Variants in LOXL2 observed in about 807,000 individuals in gnomAD.
LOXL2 encodes lysyl oxidase like 2.
LOXL2 carries 70 observed loss-of-function variants against 93.0 expected under a neutral mutation model. The observed-to-expected ratio is 0.75, with a 90% CI of 0.62 to 0.92. The LOEUF (loss-of-function observed/expected upper bound fraction) is 0.92. Among genes scored for constraint, LOXL2 ranks in the 40% least tolerant of loss-of-function variants. The pLI, the probability that LOXL2 is intolerant of heterozygous loss-of-function variation, is 0.00. For missense variants in LOXL2, 973 were observed against 1,054.9 expected, an observed-to-expected ratio of 0.92 and a Z score of 1.08; for synonymous variants, 438 against 413.2, an observed-to-expected ratio of 1.06 and a Z score of -0.73.
intron 4 of LOXL2, among the ~76,000 whole-genome samples, chr8:23,339,205 G>A (rs1434634339): frequency 6.6e-6 from 1 of 152,126 alleles, no homozygotes; most frequent in Non-Finnish European, 1.5e-5. Flanking sequence ...TGAGAAGGTC[G>A]TGCTTCCCTT....
At chr8:23,300,101 G>A (rs1803104222) in intron 12 of LOXL2, among the ~76,000 whole-genome samples, 1 of 152,246 alleles carries the variant, frequency 6.6e-6, no homozygotes, top group African/African-American at 2.4e-5. Context: ...ACATGCCAAG[G>A]CCTCCAGCTG....
intron 3 of LOXL2, among the ~76,000 whole-genome samples, chr8:23,347,011 A>T (rs1050906508): frequency 1.1e-4 from 16 of 152,242 alleles, no homozygotes; most frequent in African/African-American, 3.9e-4. Flanking sequence ...CAGCTTTCTT[A>T]CTTTGGCTAT....
intron 12 of LOXL2, among the ~76,000 whole-genome samples, chr8:23,300,493 G>C (rs1327977880): frequency 6.6e-6 from 1 of 152,198 alleles, no homozygotes; most frequent in Non-Finnish European, 1.5e-5. Context: ...CAGCACCACT[G>C]ATGTCTGAAG....
At chr8:23,382,656 A>C (rs1332150345) in intron 1 of LOXL2, 1 of 152,228 alleles carries the variant, frequency 6.6e-6, no homozygotes, top group South Asian at 2.1e-4. Flanking sequence ...TGAAGTCCTA[A>C]AAGTCCTAGG....
At chr8:23,318,427 A>G (rs537590987) in intron 8 of LOXL2, among the ~76,000 whole-genome samples, 733 of 19,750 alleles carry the variant, frequency 0.037, 5 homozygotes, top group African/African-American at 0.079. Context: ...GGTTGATAGC[A>G]CACACACACA....
rs750923813 is a variant in LOXL2, at chr8:23,333,569, G to A, written c.798C>T (p.Thr266=). The change falls in exon 5 of 14, where the codon ACC becomes ACT. Residue 266 remains threonine (T), a synonymous_variant. Transcript: ENST00000389131. ...QRYWPFSMDC[T]GTEAHISSCK... Reference sequence around the variant, plus strand: ...AGCTGGAGATGTGGGCCTCTGTGCCGGTGCAGTCCATGGAGAATGGCCAGT... The same window carrying A: ...AGCTGGAGATGTGGGCCTCTGTGCCAGTGCAGTCCATGGAGAATGGCCAGT... 1.4e-4 allele frequency: 219 copies of A among 1,613,834 alleles called. No individual in the cohort carries two copies. Among genetic ancestry groups the A allele is most frequent in the Admixed American group, 2.0e-4 (12 of 60,016 alleles).
chr8:23,379,558 C>G (rs977042610), intron 1 of LOXL2, among the ~76,000 whole-genome samples: 1 of 152,216 alleles, frequency 6.6e-6, no homozygotes, highest in African/African-American at 2.4e-5. Flanking sequence ...GGCAGGCAGG[C>G]TTCCTTGAGC....
At chr8:23,376,384 A>G (rs1563206137) in intron 1 of LOXL2, among the ~76,000 whole-genome samples, 2 of 152,126 alleles carry the variant, frequency 1.3e-5, no homozygotes, top group African/African-American at 4.8e-5. Flanking sequence ...CATCAGGGAT[A>G]TTGGTCTAAA....
At chr8:23,397,132 T>C (rs1800100919) in intron 1 of LOXL2, among the ~76,000 whole-genome samples, 1 of 152,214 alleles carries the variant, frequency 6.6e-6, no homozygotes. Context: ...ATTCCACTTA[T>C]ATGAAGTACC....
At chr8:23,361,200 G>C (rs909287683) in intron 2 of LOXL2, among the ~76,000 whole-genome samples, 6 of 152,002 alleles carry the variant, frequency 3.9e-5, no homozygotes, top group Non-Finnish European at 8.8e-5. Flanking sequence ...CGCCCGGCCT[G>C]GTTTGAGGTT....
rs189432376 is a variant in LOXL2, at chr8:23,301,051, T to C, written c.2133+976A>G. Among the ~76,000 whole-genome samples, 89 of 152,340 alleles carry C rather than the reference T, an allele frequency of 5.8e-4. No homozygotes were observed. In the East Asian group the frequency reaches 0.013, roughly 22 times the overall value. The stretch of plus-strand genomic sequence containing the variant: ...CTGAAAGCCCCTCTGTGGTGACTTC[T>C]CTGAAGGTGTTGTTTCTTCAGAGGA... On this transcript the variant is annotated intron_variant, in intron 12 of 13. Transcript: ENST00000389131.
At chr8:23,355,608 T>TC (rs1249642868) in intron 3 of LOXL2, among the ~76,000 whole-genome samples, 2 of 147,964 alleles carry the variant, frequency 1.4e-5, no homozygotes, top group East Asian at 2.0e-4. Context: ...AAAGATTTGT[T>TC]CTTTTTTTTT....
chr8:23,374,065 C>T (rs1284140736), intron 1 of LOXL2, among the ~76,000 whole-genome samples: 1 of 152,046 alleles, frequency 6.6e-6, no homozygotes, highest in Non-Finnish European at 1.5e-5. Flanking sequence ...TCGTCATTTA[C>T]ATTGGGTATA....
intron 1 of LOXL2, among the ~76,000 whole-genome samples, chr8:23,372,381 C>A (rs1219861534): frequency 6.6e-6 from 1 of 152,026 alleles, no homozygotes; most frequent in Non-Finnish European, 1.5e-5. Context: ...CCACGCCTGG[C>A]CAATTTTTGT....
chr8:23,360,282 G>A lies in LOXL2; in HGVS notation c.356-17C>T. 6.3e-7 allele frequency: 1 copy of A among 1,581,026 alleles called. No individual in the cohort carries two copies. Among genetic ancestry groups the A allele is most frequent in the Non-Finnish European group, 8.7e-7 (1 of 1,155,460 alleles). On this transcript the variant is annotated splice_polypyrimidine_tract_variant and intron_variant, in intron 2 of 13. Transcript: ENST00000389131. ...AGATGGGCCCTGAAGGAGGCAGAGAGGAGAGAAACCAAGTGCTGCGTCAAT... is the reference window on the plus strand; with the variant it reads ...AGATGGGCCCTGAAGGAGGCAGAGAAGAGAGAAACCAAGTGCTGCGTCAAT...
At chr8:23,398,268 T>G (rs1386668616) in intron 1 of LOXL2, among the ~76,000 whole-genome samples, 1 of 152,182 alleles carries the variant, frequency 6.6e-6, no homozygotes, top group Non-Finnish European at 1.5e-5. Context: ...GTGGCATCAT[T>G]TTTGCAGAAG....
chr8:23,366,212 C>T (rs1314068668), intron 2 of LOXL2: 3 of 152,260 alleles, frequency 2.0e-5, no homozygotes, highest in Non-Finnish European at 4.4e-5. Flanking sequence ...ACCCCTGGAT[C>T]GCTCAGCCAG....
chr8:23,357,058 T>G (rs531261498), intron 3 of LOXL2, among the ~76,000 whole-genome samples: 9 of 151,870 alleles, frequency 5.9e-5, no homozygotes, highest in Admixed American at 1.3e-4. Flanking sequence ...CTCCAACATA[T>G]TTTTTTTCAG....
intron 11 of LOXL2, 44 bp downstream of exon 11, chr8:23,303,238 C>A: frequency 8.2e-7 from 1 of 1,219,134 alleles, no homozygotes. Flanking sequence ...CAGAGGCATT[C>A]GAGTCCCTCT....
Sources: gnomAD v4.1 joint callset for allele counts (sites outside exome capture counted in the v4.1 genomes callset) on GRCh38, gnomAD v4.1.1 for gene constraint, MANE v1.5 for transcripts, NCBI Gene and HGNC (gene_info 2026-07-23, HGNC 2026-07-21) for gene names.